The following DST variants were observed in gnomAD, a reference collection of about 807,000 sequenced individuals.
The protein encoded by DST is bullous pemphigoid antigen.
A neutral mutation model predicts 875.2 loss-of-function variants in DST; 253 were observed. That is an observed-to-expected ratio of 0.29 (90% CI 0.26 to 0.32). DST has a LOEUF of 0.32. Among genes scored for constraint, DST ranks in the 10% least tolerant of loss-of-function variants. The pLI is 1.00. For missense variants in DST, 8,287 were observed against 9,111.6 expected (o/e 0.91, Z 3.68); for synonymous variants, 3,124 against 3,197.1 (o/e 0.98, Z 0.77).
chr6:56,579,055 T>G lies in DST; in HGVS notation c.12904-118A>C, dbSNP rs2097917580. The stretch of plus-strand genomic sequence containing the variant: ...ATTGGACAGAATAAACTTTTCATCA[T>G]ACCAACTTTCATCATCAACTTACTC... On this transcript the variant is annotated intron_variant, in intron 49 of 103. Transcript: ENST00000680361. 4.6e-6 allele frequency: 4 copies of G among 879,028 alleles called. No homozygotes were observed. In the South Asian group the frequency reaches 7.1e-5, roughly 16 times the overall value. 54.5% of individuals were successfully genotyped at this position (879,028 alleles called of 1,614,324 possible).
intron 4 of DST, among the ~76,000 whole-genome samples, chr6:56,837,408 G>A (rs1452637224): frequency 6.6e-6 from 1 of 152,076 alleles, no homozygotes. Flanking sequence ...TCTTGAATCA[G>A]CCTTCCATTC....
intron 7 of DST, 47 bp downstream of exon 7, chr6:56,703,601 C>T (rs1204118119): frequency 1.3e-6 from 1 of 770,754 alleles, no homozygotes; most frequent in Non-Finnish European, 1.6e-6. Context: ...TTAGCGCTCA[C>T]CGCATGGGAA....
At position 56,608,129 on chromosome 6, in the gene DST, T is replaced by G. The variant is rs1358978955; in HGVS notation, c.6499A>C (p.Lys2167Gln). The change falls in exon 40 of 104, where the codon AAA becomes CAA. Residue 2167 changes from lysine to glutamine, a missense_variant. Coordinates refer to ENST00000680361, the MANE Select transcript of DST (RefSeq NM_001374736.1). ...KNARRWLSFC[K>Q]FQPSTVHDYR... ...TCATGAACTGTGGAGGGTTGAAATT[T>G]ACAAAAAGAGAGCCATCTTCTGGCA... 4 of 1,613,712 alleles carry G rather than the reference T, an allele frequency of 2.5e-6. No individual in the cohort carries two copies. The highest frequency in any genetic ancestry group is 2.2e-5 in the East Asian group (1 of 44,874).
chr6:56,861,978 C>G (rs1462636213), intron 3 of DST: 1 of 152,152 alleles, frequency 6.6e-6, no homozygotes, highest in Non-Finnish European at 1.5e-5. Context: ...GAGATTCAAA[C>G]TCACCGTGTG....
At chr6:56,530,697 T>A (rs1224166156) in intron 64 of DST, among the ~76,000 whole-genome samples, 2 of 152,190 alleles carry the variant, frequency 1.3e-5, no homozygotes, top group Non-Finnish European at 2.9e-5. Flanking sequence ...ATTTTATGGA[T>A]TAAAATATCA....
chr6:56,522,668 T>C (rs1025936307), intron 69 of DST, among the ~76,000 whole-genome samples: 1 of 152,114 alleles, frequency 6.6e-6, no homozygotes, highest in African/African-American at 2.4e-5. Flanking sequence ...AATGAGTTGT[T>C]TGCATTAACT....
chr6:56,750,561 CAT>C (rs1011445707), intron 4 of DST, among the ~76,000 whole-genome samples: 3 of 152,138 alleles, frequency 2.0e-5, no homozygotes, highest in South Asian at 2.1e-4. Context: ...GAGAAAGTAA[CAT>C]AGTCACCTTC....
intron 10 of DST, among the ~76,000 whole-genome samples, chr6:56,657,002 T>C (rs771347530): frequency 2.0e-5 from 3 of 152,122 alleles, no homozygotes; most frequent in Non-Finnish European, 4.4e-5. Flanking sequence ...AGATTAAGAA[T>C]AGAAAGAAAG....
Position 56,614,356 on chromosome 6 carries a change from CT to C in DST, c.5057del (p.Lys1686ArgfsTer32), listed in dbSNP as rs1363666947. 2 of 1,602,298 alleles carry C rather than the reference CT, an allele frequency of 1.2e-6. No homozygotes were observed. The highest frequency in any genetic ancestry group is 1.1e-5 in the South Asian group (1 of 88,254). ...KAGKPPFSKQKISSEEISTKK... is the reference protein window; with the variant it reads ...KAGKPPFSKQXISSEEISTKK... ...ATTAAACCAGGACTTCTGTGAATAC[CT>C]TTTGCTTAGAGAAGGGAGGTTTTCC... On this transcript the variant is annotated frameshift_variant and splice_region_variant, in exon 37 of 104. Transcript: ENST00000680361. LOFTEE classifies it high-confidence loss of function.
At chr6:56,463,289 A>G in intron 101 of DST, 133 bp from the exon 102 acceptor site, 1 of 624,024 alleles carries the variant, frequency 1.6e-6, no homozygotes, top group Non-Finnish European at 2.7e-6. Context: ...AAAAGATCCA[A>G]TGGCAAATCA....
At chr6:56,650,409 G>A (rs188539251) in intron 12 of DST, among the ~76,000 whole-genome samples, 1 of 146,976 alleles carries the variant, frequency 6.8e-6, no homozygotes, top group Admixed American at 6.8e-5. Context: ...ACAGCCCAAA[G>A]CTATGTGTCA....
intron 56 of DST, 28 bp downstream of exon 56, chr6:56,562,110 T>G: frequency 7.2e-7 from 1 of 1,388,236 alleles, no homozygotes; most frequent in South Asian, 1.4e-5. Context: ...ATTACATTAA[T>G]CAGTAACAAA....
At chr6:56,565,605 T>C (rs1308182173) in intron 55 of DST, among the ~76,000 whole-genome samples, 12 of 152,198 alleles carry the variant, frequency 7.9e-5, no homozygotes, top group Non-Finnish European at 1.6e-4. Context: ...AGATGCCAGC[T>C]GGAGCTCTCC....
At position 56,756,331 on chromosome 6, in the gene DST, G is replaced by A. The variant is rs148694101; in HGVS notation, c.626-21042C>T. ...ATACAGAGAAGATCACATGGGCCAG[G>A]AACAATCAAGCATCCCAGAAAGACT... On this transcript the variant is annotated intron_variant, in intron 4 of 103. Transcript: ENST00000680361. Among the ~76,000 whole-genome samples, 29 of 152,220 alleles carry A rather than the reference G, an allele frequency of 1.9e-4. No individual in the cohort carries two copies. In the East Asian group the frequency reaches 5.6e-3, roughly 29 times the overall value.
At chr6:56,692,117 C>A (rs2099234418) in intron 9 of DST, among the ~76,000 whole-genome samples, 1 of 152,158 alleles carries the variant, frequency 6.6e-6, no homozygotes, top group African/African-American at 2.4e-5. Context: ...AAAAGATATG[C>A]ACTCTCTTAC....
intron 4 of DST, among the ~76,000 whole-genome samples, chr6:56,803,407 C>G (rs761496280): frequency 6.6e-6 from 1 of 151,910 alleles, no homozygotes. Flanking sequence ...AATACACCTT[C>G]AGTTTCTTAA....
At chr6:56,627,114 CTG>C in intron 34 of DST, 88 bp downstream of exon 34, 1 of 983,922 alleles carries the variant, frequency 1.0e-6, no homozygotes, top group Non-Finnish European at 1.6e-6. Flanking sequence ...CTTTTAAACA[CTG>C]AGTGAAATGA....
chr6:56,891,919 TC>T (rs1787750310), intron 3 of DST, among the ~76,000 whole-genome samples: 1 of 152,150 alleles, frequency 6.6e-6, no homozygotes, highest in South Asian at 2.1e-4. Context: ...TTCCAACAGA[TC>T]CTTCAGGAGA....
chr6:56,513,077 T>C (rs1367567619), intron 72 of DST, among the ~76,000 whole-genome samples: 1 of 152,320 alleles, frequency 6.6e-6, no homozygotes, highest in African/African-American at 2.4e-5. Flanking sequence ...TCAGGAATGC[T>C]TGGAAAACAA....
Sources: gnomAD v4.1 joint callset for allele counts (sites outside exome capture counted in the v4.1 genomes callset) on GRCh38, gnomAD v4.1.1 for gene constraint, MANE v1.5 for transcripts, NCBI Gene and HGNC (gene_info 2026-07-23, HGNC 2026-07-21) for gene names.